The following THRB variants were observed in gnomAD, a reference collection of about 807,000 sequenced individuals.
THRB encodes thyroid hormone receptor beta.
In THRB, 12 loss-of-function variants were observed where a neutral mutation model predicts 47.8. That is an observed-to-expected ratio of 0.25 (90% CI 0.16 to 0.41). The LOEUF is 0.41. THRB is among the 10% of genes least tolerant of loss of function. THRB has a pLI of 1.00. For missense variants in THRB, 348 were observed against 589.2 expected, an observed-to-expected ratio of 0.59 and a Z score of 4.24; for synonymous variants, 218 against 212.2, an observed-to-expected ratio of 1.03 and a Z score of -0.24.
chr3:24,354,142 C>T (rs117877741), intron 1 of THRB, among the ~76,000 whole-genome samples: 4 of 152,224 alleles, frequency 2.6e-5, no homozygotes, highest in East Asian at 3.9e-4. Context: ...CCAAACACTG[C>T]GTGTTCTCAC....
intron 3 of THRB, among the ~76,000 whole-genome samples, chr3:24,260,360 C>T (rs1042188464): frequency 5.9e-5 from 9 of 152,170 alleles, no homozygotes; most frequent in African/African-American, 2.2e-4. Flanking sequence ...ACATGACTCT[C>T]ACCAGGAGGC....
At chr3:24,378,783 T>G (rs9861046) in intron 1 of THRB, among the ~76,000 whole-genome samples, 74,034 of 151,944 alleles carry the variant, frequency 0.49, 19,308 homozygotes, top group African/African-American at 0.67. Flanking sequence ...GGAAACTAAC[T>G]TTATTAATAA....
intron 3 of THRB, among the ~76,000 whole-genome samples, chr3:24,290,525 C>G (rs1246993800): frequency 1.3e-5 from 2 of 152,190 alleles, no homozygotes; most frequent in African/African-American, 4.8e-5. Flanking sequence ...CAAAGTTCCT[C>G]CCTAGTTATA....
intron 1 of THRB, among the ~76,000 whole-genome samples, chr3:24,347,348 T>C (rs1158885520): frequency 1.3e-5 from 2 of 151,808 alleles, no homozygotes; most frequent in East Asian, 3.9e-4. Context: ...CAAGAAGCCC[T>C]AAAAATAATA....
At chr3:24,203,100 T>G (rs556013924) in intron 4 of THRB, among the ~76,000 whole-genome samples, 42 of 152,270 alleles carry the variant, frequency 2.8e-4, no homozygotes, top group African/African-American at 9.9e-4. Flanking sequence ...GGAAAATGAA[T>G]GGAGGAAAGG....
intron 3 of THRB, among the ~76,000 whole-genome samples, chr3:24,264,939 T>C (rs958700846): frequency 6.6e-6 from 1 of 152,164 alleles, no homozygotes; most frequent in African/African-American, 2.4e-5. Context: ...AATAATACCA[T>C]CAATGGGAGC....
chr3:24,160,958 G>A (rs2038718691), intron 5 of THRB, among the ~76,000 whole-genome samples: 1 of 152,200 alleles, frequency 6.6e-6, no homozygotes. Context: ...GGCAATGCAT[G>A]CTCTGGATGA....
At chr3:24,124,921 G>A (rs1452258677) in intron 10 of THRB, among the ~76,000 whole-genome samples, 1 of 152,168 alleles carries the variant, frequency 6.6e-6, no homozygotes, top group Non-Finnish European at 1.5e-5. Context: ...CCACATCACT[G>A]GGGAGGGTGG....
At chr3:24,452,913 T>G (rs996518095) in intron 1 of THRB, among the ~76,000 whole-genome samples, 16 of 152,300 alleles carry the variant, frequency 1.1e-4, no homozygotes, top group African/African-American at 3.8e-4. Context: ...ATATTTCAGT[T>G]CGAATTTGAA....
intron 1 of THRB, among the ~76,000 whole-genome samples, chr3:24,427,438 C>T (rs981429891): frequency 1.1e-4 from 17 of 152,002 alleles, no homozygotes; most frequent in Non-Finnish European, 2.2e-4. Flanking sequence ...TCCCTTCCAG[C>T]TAGTAACCAG....
chr3:24,368,141 C>A (rs551346276), intron 1 of THRB, among the ~76,000 whole-genome samples: 1 of 152,114 alleles, frequency 6.6e-6, no homozygotes, highest in African/African-American at 2.4e-5. Context: ...AATCCTTATA[C>A]AACTCCTGTA....
intron 4 of THRB, among the ~76,000 whole-genome samples, chr3:24,226,533 C>T (rs2047671843): frequency 6.6e-6 from 1 of 152,152 alleles, no homozygotes; most frequent in Non-Finnish European, 1.5e-5. Context: ...AGTGAAAACT[C>T]CCTCCTTCAC....
intron 2 of THRB, among the ~76,000 whole-genome samples, chr3:24,327,495 T>C (rs1423784611): frequency 1.3e-5 from 2 of 152,180 alleles, no homozygotes; most frequent in African/African-American, 4.8e-5. Context: ...TAAATGACCA[T>C]ATAAAAGCAA....
At chr3:24,159,442 G>C (rs530038562) in intron 5 of THRB, among the ~76,000 whole-genome samples, 1 of 152,278 alleles carries the variant, frequency 6.6e-6, no homozygotes, top group African/African-American at 2.4e-5. Context: ...ATGGAAATGA[G>C]CTATGACACA....
Position 24,482,537 on chromosome 3 carries a change from C to G in THRB, c.-261+12115G>C, listed in dbSNP as rs1300645616. On this transcript the variant is annotated intron_variant, in intron 1 of 10. Transcript: ENST00000646209. ...GTTCTTTCTTTCTTTCTTTCTGTCT[C>G]CCTCTCTCTCTCTCTCTCTCTCTCT... 2.8e-5 allele frequency among the ~76,000 whole-genome samples: 4 copies of G among 144,332 alleles called. No individual in the cohort carries two copies. The South Asian group carries it at 9.2e-4, about 33-fold the overall frequency. 94.7% of individuals were successfully genotyped at this position (144,332 alleles called of 152,430 possible). A position where few individuals can be genotyped will look rare whatever the true frequency, so the allele number is the denominator to read the frequency against.
At chr3:24,466,001 T>C (rs2074122745) in intron 1 of THRB, among the ~76,000 whole-genome samples, 1 of 152,194 alleles carries the variant, frequency 6.6e-6, no homozygotes, top group South Asian at 2.1e-4. Flanking sequence ...AGGGAGTCTT[T>C]ACCTCCATGT....
intron 2 of THRB, 86 bp downstream of exon 2, chr3:24,337,214 C>T (rs1055306846): frequency 6.6e-6 from 1 of 152,166 alleles, no homozygotes; most frequent in Non-Finnish European, 1.5e-5. Flanking sequence ...CAACACTACA[C>T]ATTAGGAGAT....
chr3:24,321,806 ATGAGATG>A (rs1393223820), intron 2 of THRB, among the ~76,000 whole-genome samples: 1 of 152,198 alleles, frequency 6.6e-6, no homozygotes, highest in African/African-American at 2.4e-5. Flanking sequence ...CCTAGTTCAA[ATGAGATG>A]TGCTATAAGT....
chr3:24,157,776 C>T (rs2038089850), intron 5 of THRB, among the ~76,000 whole-genome samples: 1 of 152,182 alleles, frequency 6.6e-6, no homozygotes, highest in Non-Finnish European at 1.5e-5. Context: ...AACCAGCCTC[C>T]CGTCTTGGCC....
Sources: allele counts gnomAD v4.1 joint callset (sites outside exome capture counted in the v4.1 genomes callset), GRCh38; gene constraint gnomAD v4.1.1; transcripts MANE v1.5; gene names NCBI Gene and HGNC (gene_info 2026-07-23, HGNC 2026-07-21).